DACH2: variants seen among roughly 807,000 people sequenced by gnomAD.
The protein encoded by DACH2 is dachshund homolog 2.
DACH2 carries 17 observed loss-of-function variants against 35.8 expected under a neutral mutation model. The observed-to-expected ratio is 0.48, with a 90% CI of 0.33 to 0.71. The LOEUF is 0.71. DACH2 is among the 30% of genes least tolerant of loss of function. DACH2 has a pLI of 0.02. For synonymous variants in DACH2, 195 were observed against 177.3 expected (o/e 1.10, Z -0.79); for missense variants, 469 against 472.7 (o/e 0.99, Z 0.07).
At chrX:86,745,207 A>C (rs190026858) in intron 7 of DACH2, among the ~76,000 whole-genome samples, 1 of 111,653 alleles carries the variant, frequency 9.0e-6, no homozygotes, top group Non-Finnish European at 1.9e-5. Context: ...TAGTTTTAAC[A>C]TCCTTTGGTC....
intron 2 of DACH2, among the ~76,000 whole-genome samples, chrX:86,485,119 A>G (rs1223510467): frequency 8.9e-6 from 1 of 112,006 alleles, no homozygotes; most frequent in Non-Finnish European, 1.9e-5. Flanking sequence ...TAATATACAG[A>G]TTAGGAAAAA....
At chrX:86,752,778 C>A (rs1054835226) in intron 7 of DACH2, among the ~76,000 whole-genome samples, 4 of 111,015 alleles carry the variant, frequency 3.6e-5, no homozygotes, top group Non-Finnish European at 7.6e-5. Flanking sequence ...TAAAAATATT[C>A]TGTGTTATGA....
intron 3 of DACH2, among the ~76,000 whole-genome samples, chrX:86,624,003 G>C: frequency 1.1e-5 from 1 of 92,172 alleles, no homozygotes. Context: ...AGTCGAGATC[G>C]CGCCACTGCA....
intron 4 of DACH2, among the ~76,000 whole-genome samples, chrX:86,668,292 T>TTAATTTCCATATGTAC (rs1175344473): frequency 8.9e-6 from 1 of 112,207 alleles, no homozygotes; most frequent in African/African-American, 3.2e-5. Context: ...CAGTCTCTTG[T>TTAATTTCCATATGTAC]TAATTTCCAT....
At chrX:86,631,774 A>G (rs1397688476) in intron 3 of DACH2, among the ~76,000 whole-genome samples, 1 of 111,361 alleles carries the variant, frequency 9.0e-6, no homozygotes, top group Non-Finnish European at 1.9e-5. Context: ...CACTGTAGGA[A>G]CCCAAAGTTA....
intron 1 of DACH2, among the ~76,000 whole-genome samples, chrX:86,212,926 A>G (rs961528515): frequency 9.0e-5 from 10 of 111,351 alleles, no homozygotes; most frequent in African/African-American, 3.3e-4. Flanking sequence ...GAAGCATGTG[A>G]CTTACTTCCG....
At position 86,508,943 on chromosome X, in the gene DACH2, G is replaced by T. The variant is rs758534132; in HGVS notation, c.528-5336G>T. ...AATTCAGTATTAGTGAGAGAAAGAA[G>T]CATCACCATTTTAAAACATAGCTAT... On this transcript the variant is annotated intron_variant, in intron 2 of 11. Transcript: ENST00000373125. Among the ~76,000 whole-genome samples the T allele has an allele frequency of 3.6e-5, 4 of 111,481 alleles. No individual in the cohort carries two copies. The South Asian group carries it at 1.1e-3, about 31-fold the overall frequency.
intron 2 of DACH2, among the ~76,000 whole-genome samples, chrX:86,431,568 C>A (rs2036985374): frequency 9.0e-6 from 1 of 111,453 alleles, no homozygotes; most frequent in African/African-American, 3.2e-5. Context: ...AAATAGAATT[C>A]TTTAAATGCA....
At chrX:86,712,299 G>A (rs1466380278) in intron 5 of DACH2, among the ~76,000 whole-genome samples, 1 of 111,134 alleles carries the variant, frequency 9.0e-6, no homozygotes, top group Non-Finnish European at 1.9e-5. Context: ...GATAATTTCA[G>A]TATAAAAGTG....
rs1469093757 is a variant in DACH2, at chrX:86,154,742, C to T, written c.488+5634C>T. ...GAATGAATCACTTCAGATGGATTCT[C>T]TGCTCGGTTTGATGTCTAGATGTTA... On this transcript the variant is annotated intron_variant, in intron 1 of 11. Coordinates refer to ENST00000373125, the MANE Select transcript of DACH2 (RefSeq NM_053281.3). Among the ~76,000 whole-genome samples the T allele has an allele frequency of 7.2e-5, 8 of 111,557 alleles. No homozygotes were observed. In the East Asian group the frequency reaches 1.4e-3, roughly 20 times the overall value.
intron 1 of DACH2, among the ~76,000 whole-genome samples, chrX:86,153,100 ATTTAATTTTG>A (rs1450248646): frequency 8.9e-6 from 1 of 111,822 alleles, no homozygotes; most frequent in East Asian, 2.8e-4. Flanking sequence ...CATGACCAGC[ATTTAATTTTG>A]TTTGAGGACC....
At chrX:86,176,359 T>C (rs242857) in intron 1 of DACH2, among the ~76,000 whole-genome samples, 42,148 of 109,005 alleles carry the variant, frequency 0.39, 6,215 homozygotes, top group Middle Eastern at 0.45. Context: ...AGAGTTGCAG[T>C]TATTGGTAAT....
At chrX:86,679,544 T>G (rs1426587858) in intron 4 of DACH2, among the ~76,000 whole-genome samples, 1 of 110,742 alleles carries the variant, frequency 9.0e-6, no homozygotes. Context: ...AAAGTTAAAC[T>G]GTAGCATACA....
intron 4 of DACH2, among the ~76,000 whole-genome samples, chrX:86,683,604 C>T (rs911299503): frequency 9.0e-6 from 1 of 111,328 alleles, no homozygotes; most frequent in African/African-American, 3.3e-5. Flanking sequence ...TCCTTTAATT[C>T]TTGGGGTCAC....
chrX:86,406,556 G>A (rs901483966), intron 2 of DACH2, among the ~76,000 whole-genome samples: 3 of 112,264 alleles, frequency 2.7e-5, no homozygotes, highest in South Asian at 3.7e-4. Flanking sequence ...TTAGAAAAGA[G>A]AAAGAAGTTT....
chrX:86,679,285 A>C (rs1200938499), intron 4 of DACH2, among the ~76,000 whole-genome samples: 2 of 111,360 alleles, frequency 1.8e-5, no homozygotes, highest in African/African-American at 6.5e-5. Context: ...GTGCATTGTT[A>C]GGACGGCAGA....
chrX:86,292,373 C>A (rs1366375485), intron 1 of DACH2, among the ~76,000 whole-genome samples: 1 of 95,788 alleles, frequency 1.0e-5, no homozygotes, highest in Non-Finnish European at 2.1e-5. Context: ...ATTCAAAAAA[C>A]CAGCTCCTGG....
chrX:86,514,496 T>G, intron 3 of DACH2, 105 bp downstream of exon 3: 6 of 774,482 alleles, frequency 7.7e-6, no homozygotes, highest in Non-Finnish European at 1.1e-5. Flanking sequence ...CTTTTCAAGC[T>G]CTATTAGAGG....
chrX:86,399,020 A>C (rs1285389493), intron 2 of DACH2, among the ~76,000 whole-genome samples: 1 of 111,278 alleles, frequency 9.0e-6, no homozygotes. Flanking sequence ...GTGGGAGTCT[A>C]AGTCTCTTTG....
Sources: allele counts gnomAD v4.1 joint callset (sites outside exome capture counted in the v4.1 genomes callset), GRCh38; gene constraint gnomAD v4.1.1; transcripts MANE v1.5; gene names NCBI Gene and HGNC (gene_info 2026-07-23, HGNC 2026-07-21).